FAM110B: variants seen among roughly 807,000 people sequenced by gnomAD.
FAM110B encodes the protein family with sequence similarity 110 member B.
In FAM110B, 6 loss-of-function variants were observed where a neutral mutation model predicts 20.4. The observed-to-expected ratio is 0.29, with a 90% CI of 0.16 to 0.58. The LOEUF is 0.58. Ranked by LOEUF, FAM110B falls within the 20% of genes least tolerant of loss-of-function variation. The pLI, the probability that FAM110B is intolerant of heterozygous loss-of-function variation, is 0.90. For synonymous variants in FAM110B, 226 were observed against 214.1 expected (o/e 1.06, Z -0.49); for missense variants, 434 against 498.2 (o/e 0.87, Z 1.23).
intron 2 of FAM110B, among the ~76,000 whole-genome samples, chr8:58,075,317 T>C (rs58595014): frequency 0.052 from 7,515 of 145,544 alleles, 273 homozygotes; most frequent in African/African-American, 0.11. Context: ...CAGGGTTTCA[T>C]CATGTTGGGC....
intron 2 of FAM110B, among the ~76,000 whole-genome samples, chr8:58,069,094 A>G (rs1276039132): frequency 6.6e-6 from 1 of 152,220 alleles, no homozygotes; most frequent in Admixed American, 6.5e-5. Context: ...GAATACCAAT[A>G]ATGGTTCTGT....
chr8:58,007,321 G>A (rs570205693), intron 1 of FAM110B, among the ~76,000 whole-genome samples: 2 of 152,234 alleles, frequency 1.3e-5, no homozygotes, highest in African/African-American at 2.4e-5. Flanking sequence ...TGTTGAAATT[G>A]TCCATGCACT....
chr8:58,089,571 G>T (rs189189869), intron 3 of FAM110B, among the ~76,000 whole-genome samples: 34 of 152,236 alleles, frequency 2.2e-4, no homozygotes, highest in Admixed American at 1.6e-3. Context: ...AATGGATTAA[G>T]ATCAAAATTA....
chr8:58,034,496 G>A (rs981079521), intron 2 of FAM110B, among the ~76,000 whole-genome samples: 2 of 152,232 alleles, frequency 1.3e-5, no homozygotes, highest in Non-Finnish European at 2.9e-5. Flanking sequence ...GAGGGTAAGA[G>A]TGTGGGCTTT....
intron 2 of FAM110B, among the ~76,000 whole-genome samples, chr8:58,041,426 C>G (rs1805218356): frequency 6.6e-6 from 1 of 152,162 alleles, no homozygotes; most frequent in Admixed American, 6.5e-5. Flanking sequence ...CCAGTCATGA[C>G]TATGTACCAT....
At position 58,131,323 on chromosome 8, in the gene FAM110B, T is replaced by C. The variant is rs539286943; in HGVS notation, c.-324-14584T>C. Among the ~76,000 whole-genome samples, 10 of 152,214 alleles carry C rather than the reference T, an allele frequency of 6.6e-5. No individual in the cohort carries two copies. In the South Asian group the frequency reaches 2.1e-3, roughly 32 times the overall value. On this transcript the variant is annotated intron_variant, in intron 3 of 3. Coordinates refer to ENST00000519262, the MANE Select transcript of FAM110B (RefSeq NM_001377989.1). The stretch of plus-strand genomic sequence containing the variant: ...TGGAGTGTAGTGGCAAAATCATAGC[T>C]TACTGCAGCCTCGAACCCCTGGTCT...
intron 3 of FAM110B, among the ~76,000 whole-genome samples, chr8:58,135,915 T>C (rs545481510): frequency 5.9e-5 from 9 of 152,206 alleles, no homozygotes; most frequent in African/African-American, 2.2e-4. Context: ...ACCGAGTTCA[T>C]TGAGTTGTTA....
chr8:58,062,790 T>C lies in FAM110B; in HGVS notation c.-413-12745T>C, dbSNP rs148543304. Among the ~76,000 whole-genome samples, 22 of 152,344 alleles carry C rather than the reference T, an allele frequency of 1.4e-4. No homozygotes were observed. In the East Asian group the frequency reaches 4.2e-3, roughly 29 times the overall value. On this transcript the variant is annotated intron_variant, in intron 2 of 3. Coordinates refer to ENST00000519262, the MANE Select transcript of FAM110B (RefSeq NM_001377989.1). Reference sequence around the variant, plus strand: ...ATTATTTTCCATTTTCCCCATCACTTAAACTTATTGGCTGCTTTCCAGACA... The same window carrying C: ...ATTATTTTCCATTTTCCCCATCACTCAAACTTATTGGCTGCTTTCCAGACA...
chr8:58,126,874 C>T (rs1007237823), intron 3 of FAM110B, among the ~76,000 whole-genome samples: 3 of 151,976 alleles, frequency 2.0e-5, no homozygotes, highest in Non-Finnish European at 4.4e-5. Flanking sequence ...TTAACAGAGC[C>T]CTTCACAGAT....
At chr8:58,024,981 A>C (rs887826358) in intron 1 of FAM110B, among the ~76,000 whole-genome samples, 9 of 152,200 alleles carry the variant, frequency 5.9e-5, no homozygotes, top group African/African-American at 2.2e-4. Context: ...GGCTTACACT[A>C]TATCTGCTGC....
At chr8:58,122,500 T>C (rs1204661153) in intron 3 of FAM110B, among the ~76,000 whole-genome samples, 2 of 152,162 alleles carry the variant, frequency 1.3e-5, no homozygotes, top group African/African-American at 4.8e-5. Flanking sequence ...TCTTTCCTGT[T>C]TTCTAACTTT....
At chr8:58,010,511 G>A (rs1804509999) in intron 1 of FAM110B, among the ~76,000 whole-genome samples, 1 of 152,182 alleles carries the variant, frequency 6.6e-6, no homozygotes, top group Admixed American at 6.5e-5. Flanking sequence ...TGAGTGATCT[G>A]GGGCTCATTC....
intron 1 of FAM110B, among the ~76,000 whole-genome samples, chr8:58,011,390 T>C (rs1210307430): frequency 2.0e-5 from 3 of 152,150 alleles, no homozygotes; most frequent in Non-Finnish European, 4.4e-5. Flanking sequence ...AATAAGCAAC[T>C]GCAGACATTA....
intron 3 of FAM110B, among the ~76,000 whole-genome samples, chr8:58,127,788 G>C (rs1421815446): frequency 6.6e-6 from 1 of 151,978 alleles, no homozygotes; most frequent in Admixed American, 6.6e-5. Flanking sequence ...ACAAAACACT[G>C]ATGAAAAAAA....
intron 2 of FAM110B, among the ~76,000 whole-genome samples, chr8:58,053,674 TG>T (rs1805498067): frequency 6.6e-6 from 1 of 152,238 alleles, no homozygotes. Flanking sequence ...ACCAGAGTTT[TG>T]GTGCTCCAGT....
chr8:58,090,692 T>C (rs1263198202), intron 3 of FAM110B, among the ~76,000 whole-genome samples: 1 of 152,198 alleles, frequency 6.6e-6, no homozygotes, highest in Non-Finnish European at 1.5e-5. Flanking sequence ...CACTCTAGTT[T>C]ACTCAAAATA....
At position 57,994,709 on chromosome 8, in the gene FAM110B, T is replaced by G. The variant is rs567861733; in HGVS notation, c.-609T>G. 1 of 152,048 alleles carries G rather than the reference T, an allele frequency of 6.6e-6. No homozygotes were observed. Among genetic ancestry groups the G allele is most frequent in the African/African-American group, 2.4e-5 (1 of 41,360 alleles). The allele number at this position is 152,048 out of a possible 1,614,324, so 9.4% of individuals were successfully genotyped here. On this transcript the variant is annotated 5_prime_UTR_variant, in exon 1 of 4. Coordinates refer to ENST00000519262, the MANE Select transcript of FAM110B (RefSeq NM_001377989.1). The stretch of plus-strand genomic sequence containing the variant: ...GGCCCCTACAGCCCGCTCTCGGCCC[T>G]TCGTCCCTCGCGGGCCCCGACTCTC...
At chr8:58,083,055 T>C (rs1284243283) in intron 3 of FAM110B, among the ~76,000 whole-genome samples, 2 of 151,590 alleles carry the variant, frequency 1.3e-5, no homozygotes, top group Non-Finnish European at 2.9e-5. Flanking sequence ...TGGAATTTAA[T>C]AGACTGAAGT....
intron 2 of FAM110B, among the ~76,000 whole-genome samples, chr8:58,038,879 A>T (rs764725488): frequency 6.6e-6 from 1 of 152,208 alleles, no homozygotes; most frequent in African/African-American, 2.4e-5. Flanking sequence ...GCATTCAGGA[A>T]TTTCCTAAAC....
Sources: gnomAD v4.1 joint callset for allele counts (sites outside exome capture counted in the v4.1 genomes callset) on GRCh38, gnomAD v4.1.1 for gene constraint, MANE v1.5 for transcripts, NCBI Gene and HGNC (gene_info 2026-07-23, HGNC 2026-07-21) for gene names.